The following BTBD3 variants were observed in gnomAD, a reference collection of about 807,000 sequenced individuals.
The protein encoded by BTBD3 is BTB/POZ domain-containing protein 3.
Under a neutral mutation model 41.6 loss-of-function variants are expected in BTBD3, and 14 were observed. The observed-to-expected ratio is 0.34, with a 90% CI of 0.22 to 0.53. The LOEUF is 0.53. Ranked by LOEUF, BTBD3 falls within the 20% of genes least tolerant of loss-of-function variation. The probability of loss-of-function intolerance (pLI) is 0.95; values close to 1 mark genes in which losing one functional copy is unlikely to be tolerated. For missense variants in BTBD3, 426 were observed against 654.7 expected (o/e 0.65, Z 3.81); for synonymous variants, 249 against 233.7 (o/e 1.07, Z -0.60).
At chr20:11,905,798 G>A (rs2122221145) in intron 1 of BTBD3, among the ~76,000 whole-genome samples, 1 of 152,276 alleles carries the variant, frequency 6.6e-6, no homozygotes, top group Non-Finnish European at 1.5e-5. Context: ...TTTTCTGTTA[G>A]GAGCAAATGA....
intron 1 of BTBD3, among the ~76,000 whole-genome samples, chr20:11,902,747 C>T (rs778999107): frequency 2.0e-5 from 3 of 152,214 alleles, no homozygotes; most frequent in Admixed American, 6.5e-5. Flanking sequence ...CATTTGTTTA[C>T]ATTTCTCTGG....
Position 11,918,354 on chromosome 20 carries a change from A to G in BTBD3, c.79A>G (p.Lys27Glu). 1.2e-6 allele frequency: 2 copies of G among 1,614,128 alleles called. No individual in the cohort carries two copies. Residue 27 changes from lysine (K) to glutamate (E), a missense_variant, in exon 1 of 4, where the codon AAG becomes GAG. Coordinates refer to ENST00000378226, the MANE Select transcript of BTBD3 (RefSeq NM_014962.4). ...TCCAGAGACGGTAAAGAACAGGTCC[A>G]AGAAAAGCTCAAAGAAAGCAAATAC... Reference protein sequence around the residue: ...MLPETVKNRSKKSSKKANTSS... With the variant: ...MLPETVKNRSEKSSKKANTSS...
chr20:11,919,266 C>T (rs1307682138), intron 2 of BTBD3, 90 bp downstream of exon 2: 12 of 1,385,888 alleles, frequency 8.7e-6, no homozygotes, highest in African/African-American at 5.8e-5. Flanking sequence ...GGCAGCTTGC[C>T]GATGTCAGGC....
chr20:11,926,067 G>A lies in BTBD3; in HGVS notation c.*2401G>A, dbSNP rs2057017307. The A allele has an allele frequency of 6.6e-6, 1 of 152,236 alleles. No individual in the cohort carries two copies. The highest frequency in any genetic ancestry group is 2.1e-4 in the South Asian group (1 of 4,826). The allele number at this position is 152,236 out of a possible 1,614,324, so 9.4% of individuals were successfully genotyped here. A position where few individuals can be genotyped will look rare whatever the true frequency, so the allele number is the denominator to read the frequency against. The stretch of plus-strand genomic sequence containing the variant: ...TGCATTTTCAATGAAATGGAATGAA[G>A]GCTAATATGCTTGCTTTATTTACTT... On this transcript the variant is annotated 3_prime_UTR_variant, in exon 4 of 4. Coordinates refer to ENST00000378226, the MANE Select transcript of BTBD3 (RefSeq NM_014962.4).
At chr20:11,901,104 A>G (rs2056821311) in intron 1 of BTBD3, among the ~76,000 whole-genome samples, 1 of 152,186 alleles carries the variant, frequency 6.6e-6, no homozygotes, top group African/African-American at 2.4e-5. Flanking sequence ...AGGTTATATC[A>G]GGTGACTTTT....
At position 11,918,061 on chromosome 20, in the gene BTBD3, C is replaced by T; in HGVS notation, c.-215C>T. The T allele has an allele frequency of 3.9e-6, 5 of 1,298,410 alleles. No individual in the cohort carries two copies. Among genetic ancestry groups the T allele is most frequent in the Non-Finnish European group, 4.9e-6 (5 of 1,028,050 alleles). 80.4% of individuals were successfully genotyped at this position (1,298,410 alleles called of 1,614,324 possible). ...ATGAGCAAATAAGAGAAACAGGAAT[C>T]ATGATGGGGATATATTTAACAGACC... On this transcript the variant is annotated 5_prime_UTR_variant, in exon 1 of 4. Transcript: ENST00000378226.
At chr20:11,896,862 A>G (rs577898664) in intron 1 of BTBD3, among the ~76,000 whole-genome samples, 7 of 152,354 alleles carry the variant, frequency 4.6e-5, no homozygotes, top group African/African-American at 1.7e-4. Context: ...AACATATTCA[A>G]TGCATGAGCA....
At chr20:11,911,529 C>T (rs1309788959) in intron 1 of BTBD3, among the ~76,000 whole-genome samples, 3 of 152,046 alleles carry the variant, frequency 2.0e-5, no homozygotes, top group African/African-American at 4.8e-5. Context: ...TTGAGCCACA[C>T]ATAAAGTATG....
chr20:11,913,645 A>G (rs1290048899), upstream of BTBD3: 4 of 152,154 alleles, frequency 2.6e-5, no homozygotes, highest in Non-Finnish European at 5.9e-5. Flanking sequence ...ATTTTCACAA[A>G]CCCCTTATAC....
chr20:11,895,039 C>T (rs908088017), intron 1 of BTBD3, among the ~76,000 whole-genome samples: 1 of 152,170 alleles, frequency 6.6e-6, no homozygotes, highest in Non-Finnish European at 1.5e-5. Flanking sequence ...CGCTCCTATA[C>T]CGCCGCTGCC....
intron 1 of BTBD3, among the ~76,000 whole-genome samples, chr20:11,908,873 A>G (rs2056872351): frequency 6.6e-6 from 1 of 152,220 alleles, no homozygotes. Flanking sequence ...AGGTTATACC[A>G]ACATTTAAAG....
At chr20:11,891,378 A>AGCAGGTGGCGGGGGCC (rs2056752730) in intron 1 of BTBD3, 1 of 151,884 alleles carries the variant, frequency 6.6e-6, no homozygotes, top group African/African-American at 2.4e-5. Context: ...CTCGGCGCCT[A>AGCAGGTGGCGGGGGCC]GCAGGTGGCG....
chr20:11,891,184 G>C (rs6109170), intron 1 of BTBD3: 1 of 164,244 alleles, frequency 6.1e-6, no homozygotes, highest in African/African-American at 2.4e-5. Context: ...CCGAGGGGGG[G>C]GGGGTCCCAG....
chr20:11,917,188 T>G (rs2056924127), upstream of BTBD3, among the ~76,000 whole-genome samples: 1 of 151,700 alleles, frequency 6.6e-6, no homozygotes, highest in African/African-American at 2.4e-5. Context: ...TTACAGCCTT[T>G]GAACATTGAT....
rs368296751 is a variant in BTBD3 at position 11,923,108 on chromosome 20, C to G, written c.1011C>G (p.Ser337=). Residue 337 remains serine, a synonymous_variant, in exon 4 of 4, where the codon TCC becomes TCG. Transcript: ENST00000378226. This position sits in a 1 kb window ranked among gnomAD's most constrained non-coding sequence, Gnocchi z 5.3. ...LDDFANGAAQ[S]GVLTLNETND... is the part of the protein sequence containing the mutation. ...ATTTTGCAAATGGTGCTGCACAGTCCGGGGTATTAACTCTCAATGAGACCA... is the reference window on the plus strand; with the variant it reads ...ATTTTGCAAATGGTGCTGCACAGTCGGGGGTATTAACTCTCAATGAGACCA... 1.2e-6 allele frequency: 2 copies of G among 1,613,916 alleles called. No individual in the cohort carries two copies. Among genetic ancestry groups the G allele is most frequent in the Non-Finnish European group, 1.7e-6 (2 of 1,180,044 alleles).
chr20:11,893,737 A>G (rs1340641109), intron 1 of BTBD3, among the ~76,000 whole-genome samples: 1 of 152,232 alleles, frequency 6.6e-6, no homozygotes, highest in East Asian at 1.9e-4. Flanking sequence ...ACTGAAAAAA[A>G]TTAAGAAAGT....
chr20:11,914,612 C>A (rs563602532), upstream of BTBD3, among the ~76,000 whole-genome samples: 1 of 151,308 alleles, frequency 6.6e-6, no homozygotes, highest in South Asian at 2.1e-4. Context: ...TACACTAAAA[C>A]TTAAAGTATA....
chr20:11,918,697 T>C, intron 1 of BTBD3, 96 bp downstream of exon 1: 5 of 1,318,234 alleles, frequency 3.8e-6, no homozygotes, highest in Non-Finnish European at 5.2e-6. Flanking sequence ...CAAATCTGTT[T>C]CCTCTTTTCC....
chr20:11,900,095 AT>A (rs2056814938), intron 1 of BTBD3, among the ~76,000 whole-genome samples: 1 of 152,228 alleles, frequency 6.6e-6, no homozygotes, highest in Admixed American at 6.5e-5. Context: ...AGGTGTAAAC[AT>A]TTTAGCGGTG....
Sources: gnomAD v4.1 joint callset for allele counts (sites outside exome capture counted in the v4.1 genomes callset) on GRCh38, gnomAD v4.1.1 for gene constraint, Gnocchi (gnomAD v3.1) non-coding constraint, MANE v1.5 for transcripts, NCBI Gene and HGNC (gene_info 2026-07-23, HGNC 2026-07-21) for gene names.